RALA: variants seen among roughly 807,000 people sequenced by gnomAD.
The protein encoded by RALA is RAS like proto-oncogene A, also known as ras-related protein Ral-A.
Under a neutral mutation model 24.0 loss-of-function variants are expected in RALA, and 5 were observed. The ratio of observed to expected loss-of-function variants is 0.21; its 90% CI spans 0.11 to 0.44. The LOEUF is 0.44. RALA is among the 20% of genes least tolerant of loss of function. The pLI is 0.99. For missense variants in RALA, 95 were observed against 241.2 expected, an observed-to-expected ratio of 0.39 and a Z score of 4.01; for synonymous variants, 77 against 83.8, an observed-to-expected ratio of 0.92 and a Z score of 0.44.
chr7:39,690,131 G>T (rs1341796218), intron 2 of RALA, among the ~76,000 whole-genome samples: 1 of 152,110 alleles, frequency 6.6e-6, no homozygotes, highest in Non-Finnish European at 1.5e-5. Flanking sequence ...GTGTTTTAAG[G>T]AAGAAAAGCT....
At chr7:39,671,575 T>C (rs1055057862) in intron 1 of RALA, among the ~76,000 whole-genome samples, 52 of 152,192 alleles carry the variant, frequency 3.4e-4, no homozygotes, top group Admixed American at 3.1e-3. Context: ...TTAACCTTAG[T>C]GTTACAAACA....
intron 3 of RALA, among the ~76,000 whole-genome samples, chr7:39,691,147 TA>T (rs1315097293): frequency 6.6e-6 from 1 of 152,190 alleles, no homozygotes; most frequent in Non-Finnish European, 1.5e-5. Flanking sequence ...TGTTATATAA[TA>T]TTTTTTATTA....
intron 4 of RALA, among the ~76,000 whole-genome samples, chr7:39,704,663 ATTTTG>A (rs953068633): frequency 3.3e-5 from 5 of 150,538 alleles, no homozygotes; most frequent in African/African-American, 7.3e-5. Flanking sequence ...AGGATTTGCT[ATTTTG>A]TTTTATTTTT....
intron 1 of RALA, among the ~76,000 whole-genome samples, chr7:39,627,189 G>A (rs562331685): frequency 2.0e-5 from 3 of 150,990 alleles, no homozygotes; most frequent in South Asian, 2.1e-4. Context: ...TTACCTTATC[G>A]CATTCATAAG....
rs375304460 is a variant in RALA at position 39,674,102 on chromosome 7, G to T, written c.-37-12529G>T. On this transcript the variant is annotated intron_variant, in intron 1 of 4. Coordinates refer to ENST00000005257, the MANE Select transcript of RALA (RefSeq NM_005402.4). ...ATAAATAAATAAAAGGTTGAGGGGG[G>T]GTGGTCTTACTCTGTAGCCCAGGCT... Among the ~76,000 whole-genome samples, 32 of 151,136 alleles carry T rather than the reference G, an allele frequency of 2.1e-4. No homozygotes were observed. In the East Asian group the frequency reaches 5.6e-3, roughly 27 times the overall value.
intron 3 of RALA, among the ~76,000 whole-genome samples, chr7:39,694,901 A>C (rs1157883366): frequency 6.6e-6 from 1 of 151,776 alleles, no homozygotes; most frequent in Non-Finnish European, 1.5e-5. Context: ...AAAAAGAAAA[A>C]AAAATTAGCT....
rs779790125 is a variant in RALA at position 39,690,436 on chromosome 7, C to A, written c.169C>A (p.Leu57Ile). The A allele has an allele frequency of 6.2e-7, 1 of 1,614,004 alleles. No homozygotes were observed. Among genetic ancestry groups the A allele is most frequent in the South Asian group, 1.1e-5 (1 of 91,068 alleles). Residue 57 changes from leucine (L) to isoleucine (I), a missense_variant, in exon 3 of 5, where the codon CTA (leucine) becomes ATA (isoleucine). By Grantham distance (5) the Leu-to-Ile change is conservative. Transcript: ENST00000005257. ...AGACAGCTATCGGAAGAAGGTAGTG[C>A]TAGATGGGGAGGAAGTCCAGATCGA... is the stretch of plus-strand genomic sequence containing the variant. The part of the protein sequence containing the change: ...KADSYRKKVV[L>I]DGEEVQIDIL...
intron 1 of RALA, among the ~76,000 whole-genome samples, chr7:39,671,076 T>C (rs942143822): frequency 6.6e-6 from 1 of 152,150 alleles, no homozygotes; most frequent in Admixed American, 6.5e-5. Flanking sequence ...TCTTTTTTTT[T>C]CTTAATATCT....
chr7:39,647,684 T>C (rs947458601), intron 1 of RALA, among the ~76,000 whole-genome samples: 1 of 152,182 alleles, frequency 6.6e-6, no homozygotes, highest in Non-Finnish European at 1.5e-5. Context: ...AGAGACCTCA[T>C]GAATGGAATT....
chr7:39,690,356 A>C (rs765428186), intron 2 of RALA, 26 bp from the exon 3 acceptor site: 11 of 1,560,774 alleles, frequency 7.0e-6, no homozygotes, highest in Non-Finnish European at 9.6e-6. Context: ...ATAATTAAAA[A>C]ATTGGTGTGT....
At chr7:39,703,433 G>C (rs1490946223) in intron 4 of RALA, 1 of 152,070 alleles carries the variant, frequency 6.6e-6, no homozygotes, top group Admixed American at 6.6e-5. Flanking sequence ...CCCTTTAACC[G>C]TTTATGCTCC....
intron 1 of RALA, among the ~76,000 whole-genome samples, chr7:39,651,281 AAC>A (rs1480889684): frequency 6.6e-6 from 1 of 152,216 alleles, no homozygotes; most frequent in East Asian, 1.9e-4. Context: ...TTTTCAACCT[AAC>A]AATGGTTTTG....
intron 4 of RALA, among the ~76,000 whole-genome samples, chr7:39,703,986 CA>C (rs1440312761): frequency 6.6e-6 from 1 of 151,678 alleles, no homozygotes; most frequent in Non-Finnish European, 1.5e-5. Context: ...GCCAACATGG[CA>C]AAACCCCGTC....
rs573422813 is a variant in RALA, at chr7:39,658,586, A to AAT, written c.-37-28035_-37-28034dup. On this transcript the variant is annotated intron_variant, in intron 1 of 4. Coordinates refer to ENST00000005257, the MANE Select transcript of RALA (RefSeq NM_005402.4). ...CAGTTACCTAGGCAGTTTTTTACAA[A>AAT]ATATATATATACACACACACTGTCT... Among the ~76,000 whole-genome samples, 79 of 152,050 alleles carry AAT rather than the reference A, an allele frequency of 5.2e-4. 1 individual carries two copies. In the South Asian group the frequency reaches 0.015, roughly 28 times the overall value.
intron 1 of RALA, among the ~76,000 whole-genome samples, chr7:39,664,139 G>A (rs1304282916): frequency 6.6e-6 from 1 of 152,152 alleles, no homozygotes; most frequent in African/African-American, 2.4e-5. Context: ...CTGTTGGTAG[G>A]GAAGAAAAGC....
chr7:39,697,955 G>GTGTT (rs1401105120), intron 4 of RALA, among the ~76,000 whole-genome samples: 13 of 128,468 alleles, frequency 1.0e-4, no homozygotes, highest in Admixed American at 9.5e-4. Context: ...GCAAGTGTGT[G>GTGTT]TGTGTGTGTG....
Position 39,647,558 on chromosome 7 carries a change from T to C in RALA, c.-38+23733T>C, listed in dbSNP as rs113572482. The stretch of plus-strand genomic sequence containing the variant: ...GCTTATTGTTGTGTGATCCCGGACA[T>C]GTTTGCACTGGACTGAATGTTTATG... On this transcript the variant is annotated intron_variant, in intron 1 of 4. Transcript: ENST00000005257. Among the ~76,000 whole-genome samples, 1,449 of 152,332 alleles carry C rather than the reference T, an allele frequency of 9.5e-3. 13 individuals are homozygous for C. Among genetic ancestry groups the C allele is most frequent in the Non-Finnish European group, 0.015 (995 of 68,028 alleles).
At chr7:39,695,031 C>T (rs1246795437) in intron 3 of RALA, among the ~76,000 whole-genome samples, 1 of 151,486 alleles carries the variant, frequency 6.6e-6, no homozygotes, top group Admixed American at 6.6e-5. Flanking sequence ...TGCACTACAG[C>T]CTGGGTGACA....
In RALA at chr7:39,652,122, G is replaced by T. The variant is rs528188808; in HGVS notation, c.-38+28297G>T. Reference sequence around the variant, plus strand: ...GTCCCTTATTGCTGCATCCTCTAGGGAGGAGGAATGTGGTGTCCTCCTATG... The same window carrying T: ...GTCCCTTATTGCTGCATCCTCTAGGTAGGAGGAATGTGGTGTCCTCCTATG... On this transcript the variant is annotated intron_variant, in intron 1 of 4. Coordinates refer to ENST00000005257, the MANE Select transcript of RALA (RefSeq NM_005402.4). Among the ~76,000 whole-genome samples the T allele has an allele frequency of 2.0e-5, 3 of 152,292 alleles. No individual in the cohort carries two copies. In the South Asian group the frequency reaches 6.2e-4, roughly 32 times the overall value.
Sources: gnomAD v4.1 joint callset for allele counts (sites outside exome capture counted in the v4.1 genomes callset) on GRCh38, gnomAD v4.1.1 for gene constraint, MANE v1.5 for transcripts, NCBI Gene and HGNC (gene_info 2026-07-23, HGNC 2026-07-21) for gene names.